LIFR: variants seen among roughly 807,000 people sequenced by gnomAD.
LIFR encodes the protein leukemia inhibitory factor receptor.
A neutral mutation model predicts 122.2 loss-of-function variants in LIFR; 84 were observed. The observed-to-expected ratio is 0.69, with a 90% confidence interval of 0.58 to 0.82. The LOEUF (loss-of-function observed/expected upper bound fraction) is 0.82, where lower values mean the gene tolerates loss of function less well. Ranked by LOEUF, LIFR falls within the 40% of genes least tolerant of loss-of-function variation. The pLI, the probability that LIFR is intolerant of heterozygous loss-of-function variation, is 0.00. For missense variants in LIFR, 1,294 were observed against 1,311.6 expected, an observed-to-expected ratio of 0.99 and a Z score of 0.21; for synonymous variants, 422 against 434.7, an observed-to-expected ratio of 0.97 and a Z score of 0.36.
chr5:38,603,716 A>G (rs772747084), intron 2 of LIFR, among the ~76,000 whole-genome samples: 25 of 152,182 alleles, frequency 1.6e-4, no homozygotes, highest in Non-Finnish European at 2.4e-4. Context: ...TAACCCTCAG[A>G]AAGAAAACTT....
intron 1 of LIFR, among the ~76,000 whole-genome samples, chr5:38,538,471 G>A (rs990030488): frequency 6.6e-6 from 1 of 152,134 alleles, no homozygotes; most frequent in Non-Finnish European, 1.5e-5. Flanking sequence ...TATCCACTTG[G>A]ATATTTCAGA....
chr5:38,535,467 A>G (rs1268029450), intron 1 of LIFR, among the ~76,000 whole-genome samples: 1 of 152,204 alleles, frequency 6.6e-6, no homozygotes, highest in Admixed American at 6.5e-5. Flanking sequence ...CCTAGAACAC[A>G]GCCACGCCCA....
intron 1 of LIFR, among the ~76,000 whole-genome samples, chr5:38,585,384 A>C (rs1749714433): frequency 6.6e-6 from 1 of 152,246 alleles, no homozygotes; most frequent in Non-Finnish European, 1.5e-5. Context: ...GGGTTACATC[A>C]GGAACCTGGC....
In LIFR at chr5:38,496,583, T is replaced by G; in HGVS notation, c.1684A>C (p.Asn562His). 6.2e-7 allele frequency: 1 copy of G among 1,610,898 alleles called. No individual in the cohort carries two copies. Among genetic ancestry groups the G allele is most frequent in the East Asian group, 2.2e-5 (1 of 44,858 alleles). ...GAAAGTATTTTTCCATTAGCTTCAT[T>G]AATGGGTAAAGGCTATGAAAAACAG... ...LIIYWKPLPI[N>H]EANGKILSYN... Residue 562 changes from asparagine to histidine, a missense_variant, in exon 13 of 20, where the codon AAT becomes CAT. Asn to His is a moderately conservative substitution (Grantham distance 68, BLOSUM62 1). Transcript: ENST00000453190.
intron 5 of LIFR, among the ~76,000 whole-genome samples, chr5:38,517,708 T>TTAGTCGG (rs1346443915): frequency 6.6e-6 from 1 of 150,638 alleles, no homozygotes; most frequent in African/African-American, 2.4e-5. Flanking sequence ...ATACAAAAAG[T>TTAGTCGG]TAGTCGGGCG....
At chr5:38,578,917 A>G (rs1749487264) in intron 1 of LIFR, among the ~76,000 whole-genome samples, 1 of 152,162 alleles carries the variant, frequency 6.6e-6, no homozygotes, top group Admixed American at 6.5e-5. Context: ...CTTCAAGTGT[A>G]CTGTCCTAAC....
upstream of LIFR, among the ~76,000 whole-genome samples, chr5:38,598,233 A>ATTTTTTTTT (rs1750151838): frequency 6.3e-5 from 2 of 31,982 alleles, no homozygotes; most frequent in Non-Finnish European, 1.1e-4. Flanking sequence ...TTTTTTTTTT[A>ATTTTTTTTT]TTTATTTATT....
At chr5:38,546,623 G>C (rs571795384) in intron 1 of LIFR, among the ~76,000 whole-genome samples, 8 of 152,186 alleles carry the variant, frequency 5.3e-5, no homozygotes, top group Non-Finnish European at 8.8e-5. Flanking sequence ...TCAAAACTGA[G>C]ACAAGTTCCA....
chr5:38,504,884 TCTA>T (rs1745381150), intron 9 of LIFR, among the ~76,000 whole-genome samples: 1 of 152,142 alleles, frequency 6.6e-6, no homozygotes, highest in Non-Finnish European at 1.5e-5. Flanking sequence ...AACAGGATCA[TCTA>T]CTAATCAGCT....
intron 1 of LIFR, among the ~76,000 whole-genome samples, chr5:38,580,709 T>C (rs10038281): frequency 0.043 from 6,565 of 152,164 alleles, 474 homozygotes; most frequent in African/African-American, 0.15. Context: ...AAACCTGCTC[T>C]TTTTTTCCCT....
chr5:38,544,607 T>G (rs1747773061), intron 1 of LIFR, among the ~76,000 whole-genome samples: 1 of 152,164 alleles, frequency 6.6e-6, no homozygotes, highest in African/African-American at 2.4e-5. Flanking sequence ...AACCACACAC[T>G]GCTCACTCTT....
intron 18 of LIFR, among the ~76,000 whole-genome samples, chr5:38,483,183 G>A (rs1744089271): frequency 2.6e-5 from 4 of 152,162 alleles, no homozygotes; most frequent in South Asian, 2.1e-4. Flanking sequence ...GTACACTGCA[G>A]GCTGTGCTAA....
At chr5:38,532,084 G>A (rs1243557324) in intron 1 of LIFR, among the ~76,000 whole-genome samples, 2 of 152,158 alleles carry the variant, frequency 1.3e-5, no homozygotes, top group African/African-American at 4.8e-5. Flanking sequence ...AGCCAAACAT[G>A]ACCCTAAAAC....
intron 1 of LIFR, among the ~76,000 whole-genome samples, chr5:38,567,655 A>G (rs1749070801): frequency 6.6e-6 from 1 of 151,808 alleles, no homozygotes; most frequent in Admixed American, 6.6e-5. Context: ...CAGCCTCCCA[A>G]ATAGCTGGGA....
chr5:38,512,457 A>C (rs369646517), intron 5 of LIFR, among the ~76,000 whole-genome samples: 1 of 151,286 alleles, frequency 6.6e-6, no homozygotes, highest in Non-Finnish European at 1.5e-5. Context: ...CATCTCTACA[A>C]AAAAATAAAA....
intron 18 of LIFR, among the ~76,000 whole-genome samples, chr5:38,484,439 C>T (rs980186031): frequency 6.6e-6 from 1 of 152,150 alleles, no homozygotes; most frequent in African/African-American, 2.4e-5. Context: ...AATAGGTCAC[C>T]AGGGCAAGTG....
chr5:38,590,934 G>A (rs1360930328), intron 1 of LIFR, among the ~76,000 whole-genome samples: 1 of 152,210 alleles, frequency 6.6e-6, no homozygotes. Flanking sequence ...GTGAAGCAAT[G>A]TTGAGAAAAA....
At position 38,484,809 on chromosome 5, in the gene LIFR, C is replaced by A. The variant is rs778037968; in HGVS notation, c.2557G>T (p.Val853Leu). 6.2e-7 allele frequency: 1 copy of A among 1,613,588 alleles called. No homozygotes were observed. The highest frequency in any genetic ancestry group is 1.1e-5 in the South Asian group (1 of 91,056). The stretch of plus-strand genomic sequence containing the variant: ...TTCCGATAGCAAAGGATACTTGTCA[C>A]CACTCCAACAATGACAGCCACTGCC... ...PVAVAVIVGV[V>L]TSILCYRKRE... The change falls in exon 18 of 20, where the codon GTG becomes TTG. Residue 853 changes from valine to leucine, a missense_variant. Transcript: ENST00000453190.
At chr5:38,506,783 C>A in intron 7 of LIFR, 151 bp from the exon 8 acceptor site, 1 of 683,620 alleles carries the variant, frequency 1.5e-6, no homozygotes, top group Admixed American at 2.4e-5. Flanking sequence ...GAATTATTCT[C>A]TCTGTAGCAT....
Sources: allele counts gnomAD v4.1 joint callset (sites outside exome capture counted in the v4.1 genomes callset), GRCh38; gene constraint gnomAD v4.1.1; transcripts MANE v1.5; gene names NCBI Gene and HGNC (gene_info 2026-07-23, HGNC 2026-07-21).